The following JAK1 variants were observed in gnomAD, a reference collection of about 807,000 sequenced individuals.
JAK1 encodes the protein Janus kinase 1, also known as tyrosine-protein kinase JAK1.
A neutral mutation model predicts 136.6 loss-of-function variants in JAK1; 16 were observed. That is an observed-to-expected ratio of 0.12 (90% confidence interval 0.08 to 0.18). JAK1 has a LOEUF of 0.18. Ranked by LOEUF, JAK1 falls within the 10% of genes least tolerant of loss-of-function variation. The pLI is 1.00. For synonymous variants in JAK1, 492 were observed against 519.5 expected (o/e 0.95, Z 0.72); for missense variants, 859 against 1,450.1 (o/e 0.59, Z 6.62).
intron 1 of JAK1, among the ~76,000 whole-genome samples, chr1:64,887,645 A>C (rs985790216): frequency 1.3e-5 from 2 of 152,214 alleles, no homozygotes; most frequent in South Asian, 4.1e-4. Flanking sequence ...ACAAAGAGCT[A>C]AAATGCTATG....
Position 64,882,048 on chromosome 1 carries a change from C to A in JAK1, c.205+1229G>T, listed in dbSNP as rs557184152. On this transcript the variant is annotated intron_variant, in intron 3 of 24. Coordinates refer to ENST00000342505, the MANE Select transcript of JAK1 (RefSeq NM_002227.4). ...TAAAGATGGTTATTTGTACACATTG[C>A]GGCCTAGTCAAAATAACTTGACAAT... Among the ~76,000 whole-genome samples, 7 of 152,250 alleles carry A rather than the reference C, an allele frequency of 4.6e-5. No homozygotes were observed. In the East Asian group the frequency reaches 1.4e-3, roughly 29 times the overall value.
intron 20 of JAK1, among the ~76,000 whole-genome samples, chr1:64,838,989 C>CA (rs55816616): frequency 6.7e-6 from 1 of 150,052 alleles, no homozygotes; most frequent in Non-Finnish European, 1.5e-5. Flanking sequence ...ACTAAAAATA[C>CA]AAAAAAATTA....
chr1:65,053,401 T>C lies in JAK1; in HGVS notation c.-180-8819A>G, dbSNP rs143797327. ...GGTAATGGTGAAGACAAAGTATGAA[T>C]AGAATGCACCTGTAAATATGAATAG... is the stretch of plus-strand genomic sequence containing the variant. On this transcript the variant is annotated intron_variant, in intron 1 of 25. Transcript: ENST00000671954. 1.2e-4 allele frequency among the ~76,000 whole-genome samples: 18 copies of C among 152,066 alleles called. No homozygotes were observed. The East Asian group carries it at 2.2e-3, about 18-fold the overall frequency.
At chr1:64,938,793 A>G (rs991302978) in intron 1 of JAK1, among the ~76,000 whole-genome samples, 1 of 152,224 alleles carries the variant, frequency 6.6e-6, no homozygotes, top group African/African-American at 2.4e-5. Context: ...TTATGTCTAC[A>G]TAAGGATATG....
chr1:64,929,283 A>C (rs1645647872), intron 1 of JAK1, among the ~76,000 whole-genome samples: 1 of 152,246 alleles, frequency 6.6e-6, no homozygotes, highest in African/African-American at 2.4e-5. Flanking sequence ...TTTGTAATAA[A>C]GAATGAAAGT....
intron 17 of JAK1, among the ~76,000 whole-genome samples, chr1:64,842,722 G>C (rs1654983787): frequency 6.6e-6 from 1 of 152,104 alleles, no homozygotes; most frequent in Admixed American, 6.5e-5. Flanking sequence ...ATGACAAAGG[G>C]TATGTTGTTT....
intron 2 of JAK1, chr1:64,974,197 T>C (rs1003036377): frequency 3.3e-5 from 5 of 152,214 alleles, no homozygotes; most frequent in African/African-American, 1.2e-4. Context: ...AACTTGATTC[T>C]GATTTGGAGA....
intron 1 of JAK1, among the ~76,000 whole-genome samples, chr1:65,063,525 T>C (rs1251101975): frequency 7.2e-5 from 11 of 152,162 alleles, no homozygotes; most frequent in Non-Finnish European, 1.0e-4. Context: ...TCCATGGGGC[T>C]AGGCACAGTG....
At chr1:65,043,827 T>C (rs1199082529) in intron 2 of JAK1, among the ~76,000 whole-genome samples, 1 of 150,812 alleles carries the variant, frequency 6.6e-6, no homozygotes, top group Non-Finnish European at 1.5e-5. Context: ...GAGTCAACAA[T>C]TCTCCTGCCT....
intron 3 of JAK1, among the ~76,000 whole-genome samples, chr1:64,882,710 C>G (rs1416649801): frequency 6.6e-6 from 1 of 152,192 alleles, no homozygotes; most frequent in Non-Finnish European, 1.5e-5. Flanking sequence ...GAAAAAAAAG[C>G]TTGTGTTGTT....
chr1:64,977,593 G>A (rs1226255972), intron 2 of JAK1, among the ~76,000 whole-genome samples: 1 of 151,814 alleles, frequency 6.6e-6, no homozygotes, highest in Admixed American at 6.6e-5. Context: ...ACCATGCCCG[G>A]CTAATTTTTT....
chr1:65,026,143 C>A (rs1038047628), intron 2 of JAK1, among the ~76,000 whole-genome samples: 1 of 152,158 alleles, frequency 6.6e-6, no homozygotes, highest in Non-Finnish European at 1.5e-5. Flanking sequence ...CCATGTGATC[C>A]CACCCCAACG....
chr1:65,018,100 T>C (rs3014969), intron 2 of JAK1, among the ~76,000 whole-genome samples: 142,818 of 152,236 alleles, frequency 0.94, 67,109 homozygotes, highest in East Asian at 1. Flanking sequence ...TGTGAGCCAC[T>C]GCACCTGGCT....
upstream of JAK1, among the ~76,000 whole-genome samples, chr1:64,969,869 C>G (rs1271760542): frequency 6.6e-6 from 1 of 152,120 alleles, no homozygotes; most frequent in Non-Finnish European, 1.5e-5. Context: ...GGCGTGGTGG[C>G]TTAGACCTGT....
intron 2 of JAK1, among the ~76,000 whole-genome samples, chr1:65,035,152 G>T (rs1050297767): frequency 2.6e-5 from 4 of 152,092 alleles, no homozygotes; most frequent in African/African-American, 7.2e-5. Flanking sequence ...TTTTCTCGAG[G>T]TAAAGATTAA....
upstream of JAK1, among the ~76,000 whole-genome samples, chr1:64,970,772 A>G (rs1646444761): frequency 6.6e-6 from 1 of 151,996 alleles, no homozygotes. Flanking sequence ...AAAAAAAAAA[A>G]AAAATGCCAC....
chr1:64,978,693 G>A lies in JAK1; in HGVS notation c.-78+65787C>T, dbSNP rs150079225. The stretch of plus-strand genomic sequence containing the variant: ...ATTGCTCTGGGCTGACTTACTAGCC[G>A]TAATAACAAGGCTTATTCTACTCCT... On this transcript the variant is annotated intron_variant, in intron 2 of 25. Coordinates refer to the JAK1 transcript ENST00000671954. 1.4e-3 allele frequency among the ~76,000 whole-genome samples: 209 copies of A among 152,198 alleles called. 2 individuals are homozygous for A. The highest frequency in any genetic ancestry group is 0.011 in the South Asian group (52 of 4,828).
At chr1:64,911,169 C>T (rs1438691113) in intron 1 of JAK1, among the ~76,000 whole-genome samples, 1 of 151,836 alleles carries the variant, frequency 6.6e-6, no homozygotes, top group Non-Finnish European at 1.5e-5. Context: ...TACCAGAAAG[C>T]ATCTAAGAAA....
Position 64,876,213 on chromosome 1 carries a change from CA to C in JAK1, c.330-2691del, listed in dbSNP as rs746555094. The C allele has an allele frequency of 1.1e-4, 17 of 152,350 alleles. 5 individuals carry two copies. The allele number at this position is 152,350 out of a possible 1,614,324, so 9.4% of individuals were successfully genotyped here. On this transcript the variant is annotated intron_variant, in intron 4 of 24. Transcript: ENST00000342505. ...GGGAAAAGGCAGATGTTCCCTGAGC[CA>C]ACGGAGCCACGGCCTTCTTCTTCCA...
Sources: allele counts gnomAD v4.1 joint callset (sites outside exome capture counted in the v4.1 genomes callset), GRCh38; gene constraint gnomAD v4.1.1; transcripts MANE v1.5; gene names NCBI Gene and HGNC (gene_info 2026-07-23, HGNC 2026-07-21).